The following CRPPA variants were observed in gnomAD, a reference collection of about 807,000 sequenced individuals.
CRPPA encodes D-ribitol-5-phosphate cytidylyltransferase.
In CRPPA, 43 loss-of-function variants were observed where a neutral mutation model predicts 52.0. The observed-to-expected ratio is 0.83, with a 90% CI of 0.65 to 1.07. CRPPA has a LOEUF of 1.07. Among genes scored for constraint, CRPPA ranks in the 50% least tolerant of loss-of-function variants. The pLI is 0.00. For synonymous variants in CRPPA, 250 were observed against 203.5 expected, an observed-to-expected ratio of 1.23 and a Z score of -1.94; for missense variants, 629 against 551.7, an observed-to-expected ratio of 1.14 and a Z score of -1.40.
intron 3 of CRPPA, among the ~76,000 whole-genome samples, chr7:16,375,255 C>T (rs567916916): frequency 2.6e-5 from 4 of 152,254 alleles, no homozygotes; most frequent in African/African-American, 9.6e-5. Flanking sequence ...TATCCCCTTA[C>T]CTAATTCTTC....
At chr7:16,341,323 T>C (rs1785822555) in intron 3 of CRPPA, among the ~76,000 whole-genome samples, 1 of 151,904 alleles carries the variant, frequency 6.6e-6, no homozygotes, top group African/African-American at 2.4e-5. Context: ...TAGGGGATAT[T>C]GATCATGGGA....
intron 3 of CRPPA, among the ~76,000 whole-genome samples, chr7:16,363,339 C>A (rs772240421): frequency 6.6e-6 from 1 of 152,148 alleles, no homozygotes; most frequent in Non-Finnish European, 1.5e-5. Context: ...TTCACTTACA[C>A]AGAGGGAAAA....
chr7:16,401,280 A>C (rs563879112), intron 2 of CRPPA, among the ~76,000 whole-genome samples: 23 of 152,328 alleles, frequency 1.5e-4, no homozygotes, highest in African/African-American at 5.3e-4. Context: ...CCTCCCAGGA[A>C]CCTGGAATAA....
intron 3 of CRPPA, among the ~76,000 whole-genome samples, chr7:16,318,914 C>G (rs371852481): frequency 2.1e-4 from 32 of 152,288 alleles, no homozygotes; most frequent in African/African-American, 7.7e-4. Context: ...ATTTACCTTT[C>G]ATTCTGTATC....
At chr7:16,389,389 T>TA (rs2128314502) in intron 2 of CRPPA, among the ~76,000 whole-genome samples, 1 of 151,884 alleles carries the variant, frequency 6.6e-6, no homozygotes, top group East Asian at 1.9e-4. Flanking sequence ...CAGCAACATA[T>TA]AAAAAAGCGT....
At chr7:16,164,352 G>C (rs1180864582) in intron 9 of CRPPA, among the ~76,000 whole-genome samples, 2 of 152,096 alleles carry the variant, frequency 1.3e-5, no homozygotes, top group Non-Finnish European at 1.5e-5. Context: ...GCGTTTTTCA[G>C]CTCCATCAGG....
intron 3 of CRPPA, among the ~76,000 whole-genome samples, chr7:16,315,137 T>G (rs775622269): frequency 1.3e-5 from 2 of 152,166 alleles, no homozygotes; most frequent in Non-Finnish European, 2.9e-5. Context: ...CTTTCCTCAT[T>G]CATGTCTAGT....
chr7:16,294,551 G>C (rs966225860), intron 5 of CRPPA, among the ~76,000 whole-genome samples: 1 of 151,668 alleles, frequency 6.6e-6, no homozygotes, highest in African/African-American at 2.4e-5. Flanking sequence ...ACTAATTCAA[G>C]TTTGACACAA....
intron 9 of CRPPA, among the ~76,000 whole-genome samples, chr7:16,168,241 T>C (rs1781107115): frequency 6.6e-6 from 1 of 152,190 alleles, no homozygotes; most frequent in Non-Finnish European, 1.5e-5. Context: ...ATTGCCAAGT[T>C]AGTTGCTCAC....
chr7:16,399,849 A>T (rs951107589), intron 2 of CRPPA, among the ~76,000 whole-genome samples: 1 of 152,076 alleles, frequency 6.6e-6, no homozygotes, highest in Non-Finnish European at 1.5e-5. Context: ...CACATGACAG[A>T]CACCTGATTG....
rs544171969 is a variant in CRPPA at position 16,340,566 on chromosome 7, C to T, written c.685-31939G>A. Reference sequence around the variant, plus strand: ...ACATAATACAAATGGCCAAAATCCACAACATTAACTATCAAATTGCTGGCA... The same window carrying T: ...ACATAATACAAATGGCCAAAATCCATAACATTAACTATCAAATTGCTGGCA... On this transcript the variant is annotated intron_variant, in intron 3 of 9. Coordinates refer to ENST00000407010, the MANE Select transcript of CRPPA (RefSeq NM_001101426.4). Among the ~76,000 whole-genome samples, 3 of 125,390 alleles carry T rather than the reference C, an allele frequency of 2.4e-5. No homozygotes were observed. The South Asian group carries it at 7.5e-4, about 31-fold the overall frequency. 82.3% of individuals were successfully genotyped at this position (125,390 alleles called of 152,430 possible).
chr7:16,399,485 A>G (rs548756157), intron 2 of CRPPA, among the ~76,000 whole-genome samples: 12 of 139,562 alleles, frequency 8.6e-5, no homozygotes, highest in African/African-American at 3.2e-4. Context: ...ACGTTTGATC[A>G]ACACATGTGA....
intron 1 of CRPPA, among the ~76,000 whole-genome samples, chr7:16,407,940 C>G (rs1715187110): frequency 1.3e-5 from 2 of 151,812 alleles, no homozygotes; most frequent in Non-Finnish European, 2.9e-5. Context: ...AACTCCGTCT[C>G]TACCAAAAAT....
At chr7:16,346,908 G>A (rs186880409) in intron 3 of CRPPA, among the ~76,000 whole-genome samples, 1 of 152,096 alleles carries the variant, frequency 6.6e-6, no homozygotes, top group Non-Finnish European at 1.5e-5. Flanking sequence ...TCAGTAAAGG[G>A]CCAAGCACAG....
intron 3 of CRPPA, among the ~76,000 whole-genome samples, chr7:16,318,338 C>A (rs1785190736): frequency 6.6e-6 from 1 of 152,112 alleles, no homozygotes; most frequent in Non-Finnish European, 1.5e-5. Flanking sequence ...ATGCTTTTAT[C>A]AGTCACACAT....
At chr7:16,414,261 G>C (rs548813301) in intron 1 of CRPPA, among the ~76,000 whole-genome samples, 3 of 151,672 alleles carry the variant, frequency 2.0e-5, no homozygotes, top group Non-Finnish European at 4.4e-5. Flanking sequence ...AATAAGCATG[G>C]CCGAAGTTTG....
At chr7:16,386,061 C>T (rs1350915382) in intron 2 of CRPPA, among the ~76,000 whole-genome samples, 2 of 152,106 alleles carry the variant, frequency 1.3e-5, no homozygotes, top group African/African-American at 4.8e-5. Context: ...TGTCCAGTGT[C>T]CAGGAAGAAT....
intron 3 of CRPPA, among the ~76,000 whole-genome samples, chr7:16,362,233 A>C (rs1786471410): frequency 1.3e-5 from 2 of 152,238 alleles, no homozygotes; most frequent in African/African-American, 4.8e-5. Flanking sequence ...CGGGTAGTTT[A>C]CCAACAATAC....
intron 3 of CRPPA, among the ~76,000 whole-genome samples, chr7:16,346,367 G>C (rs921536275): frequency 2.6e-5 from 4 of 152,136 alleles, no homozygotes; most frequent in Admixed American, 1.3e-4. Flanking sequence ...TTTAAGCTGT[G>C]ATCTAAAGGG....
Sources: gnomAD v4.1 joint callset for allele counts (sites outside exome capture counted in the v4.1 genomes callset) on GRCh38, gnomAD v4.1.1 for gene constraint, MANE v1.5 for transcripts, NCBI Gene and HGNC (gene_info 2026-07-23, HGNC 2026-07-21) for gene names.